The following FGF14 variants were observed in gnomAD, a reference collection of about 807,000 sequenced individuals.
FGF14 encodes fibroblast growth factor 14, also known as fibroblast growth factor homologous factor 4.
FGF14 carries 5 observed loss-of-function variants against 25.5 expected under a neutral mutation model. That is an observed-to-expected ratio of 0.20 (90% CI 0.10 to 0.41). The LOEUF (loss-of-function observed/expected upper bound fraction) is 0.41. FGF14 is among the 10% of genes least tolerant of loss of function. FGF14 has a pLI of 1.00. For synonymous variants in FGF14, 138 were observed against 118.3 expected, an observed-to-expected ratio of 1.17 and a Z score of -1.08; for missense variants, 222 against 320.1, an observed-to-expected ratio of 0.69 and a Z score of 2.34.
At chr13:101,782,918 G>C (rs753227428) in intron 3 of FGF14, among the ~76,000 whole-genome samples, 6 of 152,136 alleles carry the variant, frequency 3.9e-5, no homozygotes, top group Admixed American at 2.0e-4. Context: ...GAGTCAAATG[G>C]CATTTCTGTC....
intron 1 of FGF14, among the ~76,000 whole-genome samples, chr13:102,268,739 C>A (rs1268717965): frequency 6.6e-6 from 1 of 151,888 alleles, no homozygotes; most frequent in Non-Finnish European, 1.5e-5. Context: ...AAAATTTAAT[C>A]CTTTAAGTTA....
At chr13:102,359,205 C>A (rs756334378) in intron 1 of FGF14, among the ~76,000 whole-genome samples, 1 of 152,060 alleles carries the variant, frequency 6.6e-6, no homozygotes, top group African/African-American at 2.4e-5. Flanking sequence ...AGATAAATAG[C>A]TAATGCATCC....
At chr13:102,162,037 T>G (rs1188441823) in intron 1 of FGF14, among the ~76,000 whole-genome samples, 1 of 152,160 alleles carries the variant, frequency 6.6e-6, no homozygotes, top group Non-Finnish European at 1.5e-5. Flanking sequence ...AACAAAAATC[T>G]GACACTTGGG....
intron 3 of FGF14, among the ~76,000 whole-genome samples, chr13:101,849,643 A>T (rs2043645166): frequency 6.6e-6 from 1 of 152,154 alleles, no homozygotes; most frequent in Non-Finnish European, 1.5e-5. Flanking sequence ...ATTAAACAAG[A>T]TAAACCTAGA....
At position 101,716,272 on chromosome 13, in the gene FGF14, G is replaced by GT. The variant is rs2139627494; in HGVS notation, c.*6558dup. The stretch of plus-strand genomic sequence containing the variant: ...AGCACACAGGAGGTAGAATATCAGA[G>GT]TGGGGCTGGATCAAGGGCAAAAACT... On this transcript the variant is annotated 3_prime_UTR_variant, in exon 5 of 5. Transcript: ENST00000376143. 6.6e-6 allele frequency: 1 copy of GT among 152,298 alleles called. No individual in the cohort carries two copies. The highest frequency in any genetic ancestry group is 1.5e-5 in the Non-Finnish European group (1 of 68,036). 9.4% of individuals were successfully genotyped at this position (152,298 alleles called of 1,614,324 possible). A position where few individuals can be genotyped will look rare whatever the true frequency, so the allele number is the denominator to read the frequency against.
intron 1 of FGF14, among the ~76,000 whole-genome samples, chr13:102,308,120 C>T (rs571440598): frequency 2.6e-5 from 4 of 152,150 alleles, no homozygotes; most frequent in Non-Finnish European, 5.9e-5. Flanking sequence ...TGTCCTTTCC[C>T]TAAGAACCTT....
intron 3 of FGF14, among the ~76,000 whole-genome samples, chr13:101,770,807 A>G (rs12877036): frequency 0.42 from 64,470 of 151,942 alleles, 14,903 homozygotes; most frequent in Non-Finnish European, 0.52. Context: ...CAACCTAATC[A>G]ATAGTACTCA....
intron 1 of FGF14, among the ~76,000 whole-genome samples, chr13:101,968,181 A>G (rs957479986): frequency 6.6e-6 from 1 of 152,254 alleles, no homozygotes; most frequent in Non-Finnish European, 1.5e-5. Flanking sequence ...AATCTTGTCT[A>G]AGAAATGAAG....
At chr13:102,155,464 T>C (rs1227749378) in intron 1 of FGF14, among the ~76,000 whole-genome samples, 2 of 151,894 alleles carry the variant, frequency 1.3e-5, no homozygotes, top group African/African-American at 2.4e-5. Flanking sequence ...TTGAAACCAA[T>C]GAGAACAAAG....
At chr13:101,846,439 C>T (rs1292874230) in intron 3 of FGF14, among the ~76,000 whole-genome samples, 3 of 152,044 alleles carry the variant, frequency 2.0e-5, no homozygotes, top group African/African-American at 7.2e-5. Context: ...AACTGACTCT[C>T]TGGAATGGAA....
At chr13:102,220,667 T>C (rs533030770) in intron 1 of FGF14, among the ~76,000 whole-genome samples, 1 of 152,338 alleles carries the variant, frequency 6.6e-6, no homozygotes, top group Admixed American at 6.5e-5. Context: ...ATATACATTT[T>C]TCAAAAGCAC....
intron 1 of FGF14, among the ~76,000 whole-genome samples, chr13:101,914,834 T>C (rs1484355292): frequency 6.6e-6 from 1 of 151,932 alleles, no homozygotes; most frequent in Admixed American, 6.6e-5. Context: ...GAGCTGTATG[T>C]GGTGAAAACT....
intron 1 of FGF14, among the ~76,000 whole-genome samples, chr13:102,174,063 A>C (rs942042092): frequency 6.6e-6 from 1 of 151,878 alleles, no homozygotes; most frequent in Admixed American, 6.6e-5. Flanking sequence ...CCTCCAAAAG[A>C]CTCCTAAACT....
chr13:102,397,748 T>C (rs1203402919), intron 1 of FGF14, among the ~76,000 whole-genome samples: 1 of 152,196 alleles, frequency 6.6e-6, no homozygotes, highest in Non-Finnish European at 1.5e-5. Context: ...CTTTCCTTAG[T>C]ACCCTTGGCT....
intron 3 of FGF14, among the ~76,000 whole-genome samples, chr13:101,767,091 C>G (rs750178443): frequency 6.6e-6 from 1 of 152,142 alleles, no homozygotes; most frequent in African/African-American, 2.4e-5. Context: ...AAAATAAAAG[C>G]TCTCCTCAAA....
Position 101,720,362 on chromosome 13 carries a change from A to G in FGF14, c.*2469T>C, listed in dbSNP as rs1370466404. 6.6e-6 allele frequency: 1 copy of G among 152,166 alleles called. No individual in the cohort carries two copies. 9.4% of individuals were successfully genotyped at this position (152,166 alleles called of 1,614,324 possible). On this transcript the variant is annotated 3_prime_UTR_variant, in exon 5 of 5. Transcript: ENST00000376143. ...ATCCTTCATAGGGATAAATGCCCTTATAGACACCCCATATATAAAACACAA... is the reference window on the plus strand; with the variant it reads ...ATCCTTCATAGGGATAAATGCCCTTGTAGACACCCCATATATAAAACACAA...
rs1263673585 is a variant in FGF14 at position 101,714,220 on chromosome 13, A to C, written c.*8611T>G. 1 of 522,784 alleles carries C rather than the reference A, an allele frequency of 1.9e-6. No individual in the cohort carries two copies. Among genetic ancestry groups the C allele is most frequent in the African/African-American group, 1.9e-5 (1 of 52,294 alleles). 32.4% of individuals were successfully genotyped at this position (522,784 alleles called of 1,614,324 possible). A position where few individuals can be genotyped will look rare whatever the true frequency, so the allele number is the denominator to read the frequency against. The stretch of plus-strand genomic sequence containing the variant: ...GGCCATGGGACATTTGTTCAAGGCT[A>C]ATTGCAACTGTCTAGATCCATAATG... On this transcript the variant is annotated 3_prime_UTR_variant, in exon 5 of 5. Transcript: ENST00000376143.
intron 3 of FGF14, among the ~76,000 whole-genome samples, chr13:101,814,307 T>C (rs1458377218): frequency 3.9e-5 from 6 of 152,200 alleles, no homozygotes; most frequent in Admixed American, 6.5e-5. Context: ...AAAAAAAATG[T>C]TGGCATGGGG....
At chr13:102,050,551 A>T (rs1566621010) in intron 1 of FGF14, among the ~76,000 whole-genome samples, 1 of 151,958 alleles carries the variant, frequency 6.6e-6, no homozygotes, top group African/African-American at 2.4e-5. Flanking sequence ...ATTGAGAAAC[A>T]AAATTAATTA....
Sources: allele counts gnomAD v4.1 joint callset (sites outside exome capture counted in the v4.1 genomes callset), GRCh38; gene constraint gnomAD v4.1.1; transcripts MANE v1.5; gene names NCBI Gene and HGNC (gene_info 2026-07-23, HGNC 2026-07-21).